DUOX1: variants seen among roughly 807,000 people sequenced by gnomAD.
DUOX1 encodes NADPH thyroid oxidase 1.
Under a neutral mutation model 181.8 loss-of-function variants are expected in DUOX1, and 134 were observed. That is an observed-to-expected ratio of 0.74 (90% confidence interval 0.64 to 0.85). DUOX1 has a LOEUF of 0.85. DUOX1 is among the 40% of genes least tolerant of loss of function. The pLI is 0.00. For missense variants in DUOX1, 1,814 were observed against 2,064.4 expected (o/e 0.88, Z 2.35); for synonymous variants, 798 against 832.5 (o/e 0.96, Z 0.71).
Position 45,144,938 on chromosome 15 carries a change from A to T in DUOX1, c.2180A>T (p.Glu727Val), listed in dbSNP as rs79941087. 14 of 1,613,542 alleles carry T rather than the reference A, an allele frequency of 8.7e-6. No individual in the cohort carries two copies. The South Asian group carries it at 1.4e-4, about 16-fold the overall frequency. Residue 727 changes from glutamate (E) to valine (V), a missense_variant, in exon 18 of 34, where the codon GAA (glutamate) becomes GTA (valine). Coordinates refer to ENST00000389037, the MANE Select transcript of DUOX1 (RefSeq NM_175940.3). ...GAGGAAGAGCGGCAGGCGCTGGTGG[A>T]AAATCTCCGGGGAGCTCTGAAGGAG... The part of the protein sequence containing the change: ...NLEEERQALV[E>V]NLRGALKESG...
chr15:45,135,133 G>A lies in DUOX1; in HGVS notation c.337G>A (p.Val113Met), dbSNP rs377251160. 65 of 1,613,702 alleles carry A rather than the reference G, an allele frequency of 4.0e-5. No individual in the cohort carries two copies. The highest frequency in any genetic ancestry group is 1.6e-4 in the Middle Eastern group (1 of 6,062). The change falls in exon 5 of 34, where the codon GTG (valine) becomes ATG (methionine). Residue 113 changes from valine (V) to methionine (M), a missense_variant. By Grantham distance (21) the Val-to-Met change is conservative (BLOSUM62 1). This residue lies in a region of DUOX1 where 320 missense variants were observed against 313.1 expected (regional missense o/e 1.02). Transcript: ENST00000389037. Reference sequence around the variant, plus strand: ...TCACGTGCTTTCAGACCTGGTGAGCGTGGAAACTCCCGGCTGCCCCGCCGA... The same window carrying A: ...TCACGTGCTTTCAGACCTGGTGAGCATGGAAACTCCCGGCTGCCCCGCCGA... Reference protein sequence around the residue: ...GYHVLSDLVSVETPGCPAEFL... With the variant: ...GYHVLSDLVSMETPGCPAEFL...
At chr15:45,151,053 C>T (rs1896788434) in intron 22 of DUOX1, 70 bp from the exon 23 acceptor site, 2 of 1,588,920 alleles carry the variant, frequency 1.3e-6, no homozygotes. Flanking sequence ...GGTTTGGAGG[C>T]AGACCAGGAT....
At chr15:45,150,379 C>A in intron 21 of DUOX1, 1 of 513,316 alleles carries the variant, frequency 1.9e-6, no homozygotes, top group Non-Finnish European at 3.5e-6. Context: ...AGAAGTGGGA[C>A]TGATGATGGA....
At chr15:45,131,864 T>C in intron 1 of DUOX1, 54 bp from the exon 2 acceptor site, 1 of 1,299,004 alleles carries the variant, frequency 7.7e-7, no homozygotes, top group Non-Finnish European at 1.1e-6. Flanking sequence ...TGCAGAGTCT[T>C]TCACCTGATT....
chr15:45,148,177 G>A (rs1896704124), intron 20 of DUOX1, 95 bp from the exon 21 acceptor site: 14 of 1,571,800 alleles, frequency 8.9e-6, no homozygotes, highest in African/African-American at 1.3e-5. Context: ...CCCTCCACAT[G>A]GGCACAGAGA....
Position 45,141,135 on chromosome 15 carries a change from C to T in DUOX1, c.1565+65C>T, listed in dbSNP as rs189070479. On this transcript the variant is annotated intron_variant, in intron 13 of 33. Transcript: ENST00000389037. ...CCTGGGCCCCAGACCCTCTTTCTGG[C>T]CTTAGACAGCCCCCATGAGCCCTTG... 8.0e-5 allele frequency: 128 copies of T among 1,595,388 alleles called. 1 individual carries two copies. The Admixed American group carries it at 2.1e-3, about 26-fold the overall frequency.
chr15:45,153,493 AATGT>A lies in DUOX1; in HGVS notation c.3524+15_3524+18del, dbSNP rs1168485374. On this transcript the variant is annotated intron_variant, in intron 26 of 33. Transcript: ENST00000389037. ...CCATGATGATGGGTGAGTAAGTGCGAATGTGTGTGTGTGTGTGTGTGTGTGTGTG... is the reference window on the plus strand; with the variant it reads ...CCATGATGATGGGTGAGTAAGTGCGAGTGTGTGTGTGTGTGTGTGTGTGTG... 1.2e-5 allele frequency: 14 copies of A among 1,193,460 alleles called. No homozygotes were observed. In the East Asian group the frequency reaches 1.4e-4, roughly 12 times the overall value. The allele number at this position is 1,193,460 out of a possible 1,614,324, so 73.9% of individuals were successfully genotyped here.
chr15:45,130,486 C>T (rs1331033742), intron 1 of DUOX1, among the ~76,000 whole-genome samples: 3 of 152,168 alleles, frequency 2.0e-5, no homozygotes, highest in Non-Finnish European at 2.9e-5. Context: ...CTCAGGGCCA[C>T]CAGGGTCACC....
intron 15 of DUOX1, among the ~76,000 whole-genome samples, chr15:45,142,612 C>T (rs1896529918): frequency 6.6e-6 from 1 of 152,100 alleles, no homozygotes; most frequent in South Asian, 2.1e-4. Flanking sequence ...GTAATCCCAG[C>T]TACTCGGGAG....
intron 18 of DUOX1, 144 bp downstream of exon 18, chr15:45,145,224 C>T (rs1358222554): frequency 1.3e-6 from 1 of 781,500 alleles, no homozygotes; most frequent in African/African-American, 1.7e-5. Context: ...AATCACCAGA[C>T]TTTATCATAA....
In DUOX1 at chr15:45,154,753, CT is replaced by C. The variant is rs373877831; in HGVS notation, c.3574+759del. Among the ~76,000 whole-genome samples, 797 of 152,248 alleles carry C rather than the reference CT, an allele frequency of 5.2e-3. 7 individuals carry two copies. Among genetic ancestry groups the C allele is most frequent in the Non-Finnish European group, 6.7e-3 (454 of 68,016 alleles). ...TGGTTAGATCCCTTCTTAACCTTTACTTTTTTATACTTCAGGGCTCTAATCT... is the reference window on the plus strand; with the variant it reads ...TGGTTAGATCCCTTCTTAACCTTTACTTTTTATACTTCAGGGCTCTAATCT... On this transcript the variant is annotated intron_variant, in intron 27 of 33. Coordinates refer to ENST00000389037, the MANE Select transcript of DUOX1 (RefSeq NM_175940.3).
chr15:45,132,457 G>A (rs1223991492), intron 2 of DUOX1, among the ~76,000 whole-genome samples: 1 of 152,198 alleles, frequency 6.6e-6, no homozygotes, highest in Non-Finnish European at 1.5e-5. Context: ...AAAAACAAAA[G>A]CAATATCTTC....
rs1467490778 is a variant in DUOX1 at position 45,153,513 on chromosome 15, T to C, written c.3524+34T>C. On this transcript the variant is annotated intron_variant, in intron 26 of 33. Transcript: ENST00000389037. The stretch of plus-strand genomic sequence containing the variant: ...GTGCGAATGTGTGTGTGTGTGTGTG[T>C]GTGTGTGTGTGTGTGTGTGTGTGTG... The C allele has an allele frequency of 3.3e-5, 32 of 960,060 alleles. 1 individual carries two copies. Among genetic ancestry groups the C allele is most frequent in the Non-Finnish European group, 4.5e-5 (28 of 628,770 alleles). 59.5% of individuals were successfully genotyped at this position (960,060 alleles called of 1,614,324 possible).
chr15:45,139,733 A>G (rs1896444024), intron 12 of DUOX1, 134 bp downstream of exon 12: 3 of 1,014,800 alleles, frequency 3.0e-6, no homozygotes, highest in Non-Finnish European at 4.2e-6. Context: ...TACCCAGATC[A>G]CTTTTCCCAA....
Position 45,163,460 on chromosome 15 carries a change from C to A in DUOX1, c.4249-72C>A. On this transcript the variant is annotated intron_variant, in intron 31 of 33. Coordinates refer to ENST00000389037, the MANE Select transcript of DUOX1 (RefSeq NM_175940.3). Reference sequence around the variant, plus strand: ...CTAGCTGTGGTCAGAAGAGTTCTATCAGTATGGACACCCCTGGGGTTTAGG... The same window carrying A: ...CTAGCTGTGGTCAGAAGAGTTCTATAAGTATGGACACCCCTGGGGTTTAGG... The A allele has an allele frequency of 5.0e-6, 8 of 1,591,826 alleles. No homozygotes were observed. In the South Asian group the frequency reaches 9.1e-5, roughly 18 times the overall value.
In DUOX1 at chr15:45,140,948, G is replaced by A. The variant is rs1896473206; in HGVS notation, c.1443G>A (p.Leu481=). ...ACCAGGACTTATCCTGGCTAGAGCT[G>A]CTCCCTGGGGGACTCCTGGAGAGCC... ...LYNQDLSWLE[L]LPGGLLESHR... The change falls in exon 13 of 34, where the codon CTG becomes CTA. Residue 481 remains leucine (L), a synonymous_variant. Coordinates refer to ENST00000389037, the MANE Select transcript of DUOX1 (RefSeq NM_175940.3). 6.2e-7 allele frequency: 1 copy of A among 1,614,046 alleles called. No individual in the cohort carries two copies. The highest frequency in any genetic ancestry group is 8.5e-7 in the Non-Finnish European group (1 of 1,180,038).
chr15:45,164,196 A>T (rs1162649597), intron 33 of DUOX1, among the ~76,000 whole-genome samples: 1 of 30,920 alleles, frequency 3.2e-5, no homozygotes, highest in Non-Finnish European at 4.7e-5. Context: ...ACTCGGGGCT[A>T]CCCTCACCAC....
chr15:45,137,557 T>C lies in DUOX1; in HGVS notation c.1023-367T>C, dbSNP rs574799499. On this transcript the variant is annotated intron_variant, in intron 9 of 33. Coordinates refer to ENST00000389037, the MANE Select transcript of DUOX1 (RefSeq NM_175940.3). ...GAGAAATAGACAATTGAGTTATTCA[T>C]AGACAAGTAGTTTCAGAAGAACAAT... is the stretch of plus-strand genomic sequence containing the variant. Among the ~76,000 whole-genome samples, 3 of 152,132 alleles carry C rather than the reference T, an allele frequency of 2.0e-5. No individual in the cohort carries two copies. The East Asian group carries it at 5.8e-4, about 29-fold the overall frequency.
chr15:45,134,356 A>T (rs1595574596), intron 4 of DUOX1, 47 bp downstream of exon 4: 1 of 1,546,224 alleles, frequency 6.5e-7, no homozygotes, highest in African/African-American at 1.4e-5. Context: ...GGTCGGCTGG[A>T]CACCTCTGCA....
Sources: gnomAD v4.1 joint callset for allele counts (sites outside exome capture counted in the v4.1 genomes callset) on GRCh38, gnomAD v4.1.1 for gene constraint, gnomAD v4.1.1 regional missense constraint, MANE v1.5 for transcripts, NCBI Gene and HGNC (gene_info 2026-07-23, HGNC 2026-07-21) for gene names.